Variants in SEMA3A observed in about 807,000 individuals in gnomAD.
SEMA3A encodes semaphorin 3A.
A neutral mutation model predicts 97.9 loss-of-function variants in SEMA3A; 29 were observed. The observed-to-expected ratio is 0.30, with a 90% CI of 0.22 to 0.40. The LOEUF (loss-of-function observed/expected upper bound fraction) is 0.40. Ranked by LOEUF, SEMA3A falls within the 10% of genes least tolerant of loss-of-function variation. SEMA3A has a pLI of 1.00. For missense variants in SEMA3A, 763 were observed against 951.3 expected (o/e 0.80, Z 2.60); for synonymous variants, 321 against 323.7 (o/e 0.99, Z 0.09).
intron 3 of SEMA3A, among the ~76,000 whole-genome samples, chr7:84,273,258 C>A (rs555682271): frequency 6.6e-6 from 1 of 152,180 alleles, no homozygotes; most frequent in East Asian, 1.9e-4. Context: ...TCAAGGCCAA[C>A]CACATGCTAG....
chr7:84,260,507 G>A (rs76166052), intron 3 of SEMA3A, among the ~76,000 whole-genome samples: 4,273 of 151,658 alleles, frequency 0.028, 210 homozygotes, highest in African/African-American at 0.097. Flanking sequence ...GGACCAGAAA[G>A]CCTTTCACCC....
At chr7:84,146,343 A>C (rs1212556375) in intron 1 of SEMA3A, among the ~76,000 whole-genome samples, 2 of 152,134 alleles carry the variant, frequency 1.3e-5, no homozygotes, top group South Asian at 2.1e-4. Context: ...AAGAGCATAC[A>C]TGACTTCGCC....
At chr7:84,301,409 T>C (rs1249448380) in intron 3 of SEMA3A, among the ~76,000 whole-genome samples, 3 of 152,116 alleles carry the variant, frequency 2.0e-5, no homozygotes, top group Admixed American at 6.6e-5. Context: ...AGAAAGCCAA[T>C]GAAAAAGATA....
intron 1 of SEMA3A, among the ~76,000 whole-genome samples, chr7:84,147,296 A>C (rs904739711): frequency 8.5e-5 from 13 of 152,228 alleles, no homozygotes; most frequent in Non-Finnish European, 1.3e-4. Context: ...ATGCTGAGCA[A>C]AATGAGTGCT....
intron 1 of SEMA3A, among the ~76,000 whole-genome samples, chr7:84,419,865 C>T (rs1215675902): frequency 6.6e-6 from 1 of 152,134 alleles, no homozygotes; most frequent in Non-Finnish European, 1.5e-5. Flanking sequence ...TGAAGGAATG[C>T]TCCAGAACAG....
chr7:84,406,493 C>T (rs552853208), intron 1 of SEMA3A, among the ~76,000 whole-genome samples: 4 of 152,138 alleles, frequency 2.6e-5, no homozygotes, highest in Non-Finnish European at 4.4e-5. Context: ...GGTAGCATTC[C>T]TTCTGAAACT....
chr7:84,312,325 A>G (rs372424028), intron 2 of SEMA3A, among the ~76,000 whole-genome samples: 2 of 151,844 alleles, frequency 1.3e-5, no homozygotes, highest in East Asian at 1.9e-4. Context: ...CAGACTCTAC[A>G]TCAGCCTGGA....
At chr7:84,136,309 C>T (rs1176570260) in intron 1 of SEMA3A, among the ~76,000 whole-genome samples, 1 of 152,148 alleles carries the variant, frequency 6.6e-6, no homozygotes, top group East Asian at 1.9e-4. Context: ...CTTGCTTTAT[C>T]TATTTGTCCT....
At chr7:84,108,347 G>A (rs1457215634) in intron 4 of SEMA3A, among the ~76,000 whole-genome samples, 5 of 146,452 alleles carry the variant, frequency 3.4e-5, no homozygotes, top group Admixed American at 6.8e-5. Context: ...TTTCTACAGG[G>A]AAAAAAAAAA....
chr7:84,425,489 AATT>A (rs1330279808), intron 1 of SEMA3A, among the ~76,000 whole-genome samples: 1 of 142,292 alleles, frequency 7.0e-6, no homozygotes, highest in Admixed American at 7.3e-5. Context: ...ATAAAAATAT[AATT>A]ATATGCATAT....
At chr7:84,414,899 A>T (rs1413400746) in intron 1 of SEMA3A, among the ~76,000 whole-genome samples, 1 of 152,072 alleles carries the variant, frequency 6.6e-6, no homozygotes, top group Non-Finnish European at 1.5e-5. Flanking sequence ...AATAAACACT[A>T]TATGTTAGAT....
At position 84,100,981 on chromosome 7, in the gene SEMA3A, T is replaced by C. The variant is rs141166720; in HGVS notation, c.453+9489A>G. Among the ~76,000 whole-genome samples, 441 of 152,308 alleles carry C rather than the reference T, an allele frequency of 2.9e-3. 8 individuals are homozygous for C. Among genetic ancestry groups the C allele is most frequent in the Admixed American group, 0.027 (418 of 15,292 alleles). On this transcript the variant is annotated intron_variant, in intron 4 of 16. Transcript: ENST00000265362. ...CTGATTCTCATCCATGTCCCTGCTA[T>C]TTCTACTTCCCCATCTCTCATCCTG...
intron 6 of SEMA3A, among the ~76,000 whole-genome samples, chr7:84,017,037 C>A (rs966987810): frequency 3.9e-5 from 6 of 152,224 alleles, no homozygotes; most frequent in African/African-American, 1.4e-4. Flanking sequence ...TATTAGATCA[C>A]AAATATGTGC....
chr7:84,396,858 T>C (rs1803747846), intron 1 of SEMA3A, among the ~76,000 whole-genome samples: 1 of 152,074 alleles, frequency 6.6e-6, no homozygotes, highest in South Asian at 2.1e-4. Flanking sequence ...CAGTATTTAC[T>C]TCATTAGGTT....
intron 1 of SEMA3A, among the ~76,000 whole-genome samples, chr7:84,405,438 C>A (rs1013996876): frequency 6.6e-6 from 1 of 151,668 alleles, no homozygotes; most frequent in Non-Finnish European, 1.5e-5. Flanking sequence ...TCCCACACAA[C>A]AATAATGGGA....
intron 1 of SEMA3A, among the ~76,000 whole-genome samples, chr7:84,404,001 C>A (rs140492971): frequency 6.6e-6 from 1 of 152,196 alleles, no homozygotes; most frequent in East Asian, 1.9e-4. Flanking sequence ...CCTCCTCCAA[C>A]GGAACACAGC....
At chr7:84,168,063 A>G (rs963090991) in intron 1 of SEMA3A, among the ~76,000 whole-genome samples, 1 of 152,128 alleles carries the variant, frequency 6.6e-6, no homozygotes, top group Non-Finnish European at 1.5e-5. Context: ...TAAGTGAGGT[A>G]TTACCTATGA....
intron 3 of SEMA3A, among the ~76,000 whole-genome samples, chr7:84,266,313 CAAAAAAAAAA>C (rs57809084): frequency 2.8e-5 from 2 of 70,476 alleles, no homozygotes; most frequent in East Asian, 8.8e-4. Context: ...GATTTGGTCT[CAAAAAAAAAA>C]AAAAAAAAAA....
intron 1 of SEMA3A, among the ~76,000 whole-genome samples, chr7:84,136,605 C>T (rs148029600): frequency 9.4e-4 from 143 of 152,236 alleles, no homozygotes; most frequent in African/African-American, 3.3e-3. Context: ...CTTCCTGTTA[C>T]ATTTTGCTTG....
Sources: allele counts gnomAD v4.1 joint callset (sites outside exome capture counted in the v4.1 genomes callset), GRCh38; gene constraint gnomAD v4.1.1; transcripts MANE v1.5; gene names NCBI Gene and HGNC (gene_info 2026-07-23, HGNC 2026-07-21).